STK32A: variants seen among roughly 807,000 people sequenced by gnomAD.
STK32A encodes the protein serine/threonine-protein kinase 32A.
STK32A carries 41 observed loss-of-function variants against 53.2 expected under a neutral mutation model. That is an observed-to-expected ratio of 0.77 (90% CI 0.60 to 1.00). The LOEUF (loss-of-function observed/expected upper bound fraction) is 1.00, where lower values mean the gene tolerates loss of function less well. Among genes scored for constraint, STK32A ranks in the 50% least tolerant of loss-of-function variants. The pLI is 0.00. For missense variants in STK32A, 458 were observed against 485.8 expected, an observed-to-expected ratio of 0.94 and a Z score of 0.54; for synonymous variants, 166 against 162.8, an observed-to-expected ratio of 1.02 and a Z score of -0.15.
chr5:147,326,201 A>T (rs904151275), intron 5 of STK32A, among the ~76,000 whole-genome samples: 1 of 152,112 alleles, frequency 6.6e-6, no homozygotes, highest in African/African-American at 2.4e-5. Context: ...TCTCACCGTT[A>T]TCATCATTTT....
chr5:147,295,003 C>T lies in STK32A; in HGVS notation c.260+15605C>T, dbSNP rs139614939. 7.2e-3 allele frequency among the ~76,000 whole-genome samples: 1,096 copies of T among 152,246 alleles called. 14 individuals carry two copies. The highest frequency in any genetic ancestry group is 0.025 in the African/African-American group (1,048 of 41,546). Reference sequence around the variant, plus strand: ...TGGCCATATCTAGTCATTTAAATTACATACGATAACTACAATTTTAACTCT... The same window carrying T: ...TGGCCATATCTAGTCATTTAAATTATATACGATAACTACAATTTTAACTCT... On this transcript the variant is annotated intron_variant, in intron 4 of 12. Coordinates refer to ENST00000397936, the MANE Select transcript of STK32A (RefSeq NM_001112724.2).
intron 4 of STK32A, among the ~76,000 whole-genome samples, chr5:147,288,165 GAAGA>G (rs1752432475): frequency 6.6e-6 from 1 of 152,104 alleles, no homozygotes; most frequent in Admixed American, 6.6e-5. Context: ...AACAATGATA[GAAGA>G]AAGAGAGGAG....
intron 4 of STK32A, among the ~76,000 whole-genome samples, chr5:147,314,465 T>G (rs1248012372): frequency 2.3e-5 from 3 of 132,928 alleles, no homozygotes; most frequent in Non-Finnish European, 4.6e-5. Context: ...GCCATTGCAC[T>G]CCAGCCTGGG....
intron 4 of STK32A, among the ~76,000 whole-genome samples, chr5:147,300,258 A>G (rs1753065643): frequency 6.6e-6 from 1 of 152,202 alleles, no homozygotes; most frequent in African/African-American, 2.4e-5. Flanking sequence ...CAAAGGAGCT[A>G]AAATATTTTC....
At chr5:147,377,937 A>G (rs1757295692) in intron 11 of STK32A, among the ~76,000 whole-genome samples, 1 of 152,144 alleles carries the variant, frequency 6.6e-6, no homozygotes, top group Admixed American at 6.6e-5. Flanking sequence ...GTTCAAAAAT[A>G]AAAGGTACTT....
intron 4 of STK32A, among the ~76,000 whole-genome samples, chr5:147,309,310 T>C (rs1489213387): frequency 2.0e-5 from 3 of 152,176 alleles, no homozygotes; most frequent in South Asian, 2.1e-4. Context: ...CCCTGTGGTA[T>C]ATGAGGCCAT....
At chr5:147,379,391 T>G (rs2152007166) in intron 11 of STK32A, among the ~76,000 whole-genome samples, 1 of 152,042 alleles carries the variant, frequency 6.6e-6, no homozygotes, top group South Asian at 2.1e-4. Context: ...ATAACTAAAG[T>G]TTTGCATTTT....
chr5:147,279,364 C>A lies in STK32A; in HGVS notation c.226C>A (p.Gln76Lys), dbSNP rs1360454104. ...RNVFKELQIM[Q>K]GLEHPFLVNL... ...TGTCTTCAAGGAACTCCAGATCATG[C>A]AGGGTCTGGAGCACCCTTTCCTGGT... The change falls in exon 4 of 13, where the codon CAG becomes AAG. Residue 76 changes from glutamine (Q) to lysine (K), a missense_variant. Coordinates refer to ENST00000397936, the MANE Select transcript of STK32A (RefSeq NM_001112724.2). 6.2e-7 allele frequency: 1 copy of A among 1,606,376 alleles called. No homozygotes were observed. The highest frequency in any genetic ancestry group is 2.2e-5 in the East Asian group (1 of 44,644).
intron 5 of STK32A, among the ~76,000 whole-genome samples, chr5:147,328,000 G>A (rs1030134467): frequency 6.6e-6 from 1 of 152,120 alleles, no homozygotes; most frequent in Non-Finnish European, 1.5e-5. Context: ...GTGTGGAGTC[G>A]CAAAATAAGT....
At chr5:147,316,859 GAAAAAAAAA>G (rs35058586) in intron 4 of STK32A, among the ~76,000 whole-genome samples, 2 of 61,336 alleles carry the variant, frequency 3.3e-5, no homozygotes, top group Admixed American at 2.5e-4. Context: ...TGTTTCTGGC[GAAAAAAAAA>G]AAAAAAAAAA....
rs1247387812 is a variant in STK32A, at chr5:147,385,799, G to A, written c.*1816G>A. Reference sequence around the variant, plus strand: ...TGTTTTCACCTCTTGGCTACTCAGAGTACCTAAACCTGTCCTTACTTATGG... The same window carrying A: ...TGTTTTCACCTCTTGGCTACTCAGAATACCTAAACCTGTCCTTACTTATGG... On this transcript the variant is annotated 3_prime_UTR_variant, in exon 13 of 13. Transcript: ENST00000397936. The A allele has an allele frequency of 6.6e-6, 1 of 152,206 alleles. No individual in the cohort carries two copies. Among genetic ancestry groups the A allele is most frequent in the African/African-American group, 2.4e-5 (1 of 41,438 alleles). The allele number at this position is 152,206 out of a possible 1,614,324, so 9.4% of individuals were successfully genotyped here. A position where few individuals can be genotyped will look rare whatever the true frequency, so the allele number is the denominator to read the frequency against.
chr5:147,263,895 A>G (rs1254649521), intron 2 of STK32A, among the ~76,000 whole-genome samples: 1 of 152,190 alleles, frequency 6.6e-6, no homozygotes, highest in Non-Finnish European at 1.5e-5. Context: ...AAATCATAAC[A>G]TATCAAAACA....
intron 4 of STK32A, among the ~76,000 whole-genome samples, chr5:147,300,403 A>G (rs1753073011): frequency 6.6e-6 from 1 of 152,188 alleles, no homozygotes; most frequent in South Asian, 2.1e-4. Flanking sequence ...ATATGTAAGG[A>G]ACAGGATTTA....
chr5:147,353,797 C>G (rs1241024053), intron 7 of STK32A, among the ~76,000 whole-genome samples: 1 of 152,032 alleles, frequency 6.6e-6, no homozygotes, highest in Admixed American at 6.6e-5. Context: ...AAAAAACCTA[C>G]TCATGCTTTA....
At chr5:147,315,980 A>T (rs1420724696) in intron 4 of STK32A, among the ~76,000 whole-genome samples, 1 of 152,222 alleles carries the variant, frequency 6.6e-6, no homozygotes, top group Non-Finnish European at 1.5e-5. Context: ...GCATAACCAC[A>T]CAAAAATGAA....
intron 2 of STK32A, among the ~76,000 whole-genome samples, chr5:147,249,352 C>G (rs1266242303): frequency 1.3e-5 from 2 of 152,096 alleles, no homozygotes; most frequent in African/African-American, 2.4e-5. Context: ...AAATGCTTAG[C>G]TGGTGACTGG....
At chr5:147,362,109 A>T (rs1360144478) in intron 8 of STK32A, among the ~76,000 whole-genome samples, 1 of 152,182 alleles carries the variant, frequency 6.6e-6, no homozygotes, top group Admixed American at 6.5e-5. Flanking sequence ...ACATTTCTTA[A>T]ACTAAGAATC....
At chr5:147,236,603 T>C (rs1023272363) in intron 1 of STK32A, among the ~76,000 whole-genome samples, 9 of 152,116 alleles carry the variant, frequency 5.9e-5, no homozygotes, top group African/African-American at 2.2e-4. Context: ...GGATTGTGTA[T>C]GTTAGGTGCA....
At chr5:147,274,113 T>G (rs916457366) in intron 2 of STK32A, among the ~76,000 whole-genome samples, 1 of 152,222 alleles carries the variant, frequency 6.6e-6, no homozygotes, top group African/African-American at 2.4e-5. Context: ...TTAAGGTGCA[T>G]TCAGCTTTGT....
Sources: allele counts gnomAD v4.1 joint callset (sites outside exome capture counted in the v4.1 genomes callset), GRCh38; gene constraint gnomAD v4.1.1; transcripts MANE v1.5; gene names NCBI Gene and HGNC (gene_info 2026-07-23, HGNC 2026-07-21).